Variants in NCKAP5 observed in about 807,000 individuals in gnomAD.
NCKAP5 encodes nck-associated protein 5.
NCKAP5 carries 92 observed loss-of-function variants against 167.0 expected under a neutral mutation model. The observed-to-expected ratio is 0.55, with a 90% CI of 0.47 to 0.66. NCKAP5 has a LOEUF of 0.66. NCKAP5 is among the 30% of genes least tolerant of loss of function. The probability of loss-of-function intolerance (pLI) is 0.00; values close to 1 mark genes in which losing one functional copy is unlikely to be tolerated. For missense variants in NCKAP5, 2,378 were observed against 2,315.0 expected, an observed-to-expected ratio of 1.03 and a Z score of -0.56; for synonymous variants, 891 against 877.4, an observed-to-expected ratio of 1.02 and a Z score of -0.27.
intron 6 of NCKAP5, among the ~76,000 whole-genome samples, chr2:133,005,471 G>A (rs1559042164): frequency 6.6e-6 from 1 of 152,100 alleles, no homozygotes; most frequent in Non-Finnish European, 1.5e-5. Flanking sequence ...AGTCTCATGA[G>A]CTCATCTACT....
At chr2:132,911,924 C>T (rs552870350) in intron 8 of NCKAP5, among the ~76,000 whole-genome samples, 103 of 152,302 alleles carry the variant, frequency 6.8e-4, no homozygotes, top group African/African-American at 2.2e-3. Flanking sequence ...GCTGGCCAGT[C>T]GCTGCTTCTT....
At chr2:132,867,393 C>T (rs765081331) in intron 10 of NCKAP5, among the ~76,000 whole-genome samples, 47 of 152,142 alleles carry the variant, frequency 3.1e-4, no homozygotes, top group Non-Finnish European at 6.8e-4. Context: ...TATAATTTGT[C>T]CTCCAATATC....
intron 17 of NCKAP5, 138 bp from the exon 18 acceptor site, chr2:132,729,090 G>C (rs1690740825): frequency 3.5e-6 from 4 of 1,158,544 alleles, no homozygotes; most frequent in Admixed American, 4.0e-5. Flanking sequence ...CTGCCACTCT[G>C]TCCCACTGTA....
chr2:132,863,976 C>A (rs1690140668), intron 10 of NCKAP5, among the ~76,000 whole-genome samples: 1 of 152,160 alleles, frequency 6.6e-6, no homozygotes, highest in South Asian at 2.1e-4. Context: ...CTCTATGCTC[C>A]CAACAGGAAC....
chr2:133,414,351 C>T (rs1174946845), intron 3 of NCKAP5, among the ~76,000 whole-genome samples: 2 of 152,124 alleles, frequency 1.3e-5, no homozygotes, highest in East Asian at 3.9e-4. Context: ...GAGGTTAAAA[C>T]ATTTTCCACA....
intron 5 of NCKAP5, among the ~76,000 whole-genome samples, chr2:133,178,015 G>T (rs1298484978): frequency 1.3e-5 from 2 of 152,166 alleles, no homozygotes; most frequent in African/African-American, 2.4e-5. Context: ...CAATAGGGGT[G>T]CAGGGTAGCT....
At chr2:133,110,174 C>T (rs997896030) in intron 6 of NCKAP5, among the ~76,000 whole-genome samples, 3 of 152,156 alleles carry the variant, frequency 2.0e-5, no homozygotes, top group African/African-American at 7.2e-5. Context: ...TTTGCGGGTT[C>T]CTGCAAAAGT....
intron 6 of NCKAP5, among the ~76,000 whole-genome samples, chr2:133,023,100 C>G (rs897412697): frequency 6.6e-6 from 1 of 152,174 alleles, no homozygotes; most frequent in African/African-American, 2.4e-5. Context: ...AATCCTGAAG[C>G]AGAGGACACA....
chr2:132,869,043 C>T, intron 9 of NCKAP5, 69 bp from the exon 10 acceptor site: 1 of 1,155,416 alleles, frequency 8.7e-7, no homozygotes, highest in African/African-American at 1.6e-5. Context: ...TCTAATTTAC[C>T]AATAAGTTTC....
intron 16 of NCKAP5, among the ~76,000 whole-genome samples, chr2:132,765,725 C>A (rs2104893256): frequency 6.6e-6 from 1 of 152,248 alleles, no homozygotes; most frequent in African/African-American, 2.4e-5. Context: ...CCCTAATACC[C>A]ATTAACTCCT....
intron 8 of NCKAP5, among the ~76,000 whole-genome samples, chr2:132,947,777 C>T (rs1000793490): frequency 6.6e-6 from 1 of 152,146 alleles, no homozygotes; most frequent in African/African-American, 2.4e-5. Flanking sequence ...ATGAAGAATT[C>T]ACAAGATTTC....
rs1048261343 is a variant in NCKAP5 at position 133,116,252 on chromosome 2, C to G, written c.341+13726G>C. On this transcript the variant is annotated intron_variant, in intron 6 of 19. Transcript: ENST00000409261. The stretch of plus-strand genomic sequence containing the variant: ...CCTGTAATCCCAGCACTTTGGGAGG[C>G]CGAGGCGGGCGGATCACGAGGTCAG... 5.8e-5 allele frequency among the ~76,000 whole-genome samples: 5 copies of G among 86,058 alleles called. 1 individual carries two copies. The Admixed American group carries it at 6.2e-4, about 11-fold the overall frequency. 56.5% of individuals were successfully genotyped at this position (86,058 alleles called of 152,430 possible).
chr2:132,704,037 T>A (rs1688122749), intron 19 of NCKAP5, among the ~76,000 whole-genome samples: 1 of 152,138 alleles, frequency 6.6e-6, no homozygotes, highest in South Asian at 2.1e-4. Context: ...CTCCTGCCCC[T>A]GAAACCCTTC....
chr2:132,757,438 GT>G (rs1002377233), intron 16 of NCKAP5, among the ~76,000 whole-genome samples: 10 of 152,130 alleles, frequency 6.6e-5, no homozygotes. Context: ...AACATACATA[GT>G]TTTCCTTTCC....
intron 3 of NCKAP5, among the ~76,000 whole-genome samples, chr2:133,482,441 C>T (rs1287855155): frequency 6.6e-6 from 1 of 152,162 alleles, no homozygotes; most frequent in Non-Finnish European, 1.5e-5. Flanking sequence ...TGGTCTCAAA[C>T]TCCTTAGCTC....
intron 3 of NCKAP5, among the ~76,000 whole-genome samples, chr2:133,313,854 G>C (rs1304100311): frequency 1.3e-5 from 2 of 152,136 alleles, no homozygotes; most frequent in African/African-American, 4.8e-5. Context: ...CCTTATATGA[G>C]TGAAAAGTCT....
chr2:133,492,005 C>T (rs1319394672), intron 3 of NCKAP5, among the ~76,000 whole-genome samples: 1 of 152,132 alleles, frequency 6.6e-6, no homozygotes, highest in Non-Finnish European at 1.5e-5. Context: ...GTTACCTTCT[C>T]CAGGAGCTCC....
intron 5 of NCKAP5, among the ~76,000 whole-genome samples, chr2:133,170,829 C>T (rs1250396104): frequency 6.6e-6 from 1 of 152,004 alleles, no homozygotes; most frequent in Non-Finnish European, 1.5e-5. Flanking sequence ...GGCCCTGAGA[C>T]ATTTATCAGC....
rs935234740 is a variant in NCKAP5, at chr2:133,474,012, G to T, written c.69+43446C>A. Among the ~76,000 whole-genome samples, 3 of 152,116 alleles carry T rather than the reference G, an allele frequency of 2.0e-5. No individual in the cohort carries two copies. The East Asian group carries it at 5.8e-4, about 29-fold the overall frequency. On this transcript the variant is annotated intron_variant, in intron 3 of 19. Coordinates refer to ENST00000409261, the MANE Select transcript of NCKAP5 (RefSeq NM_207363.3). ...TAGTATGAAAGAAAGTGAATCAGAG[G>T]TATCTGTGCTCCCATGTTTATTGCA...
Sources: gnomAD v4.1 joint callset for allele counts (sites outside exome capture counted in the v4.1 genomes callset) on GRCh38, gnomAD v4.1.1 for gene constraint, MANE v1.5 for transcripts, NCBI Gene and HGNC (gene_info 2026-07-23, HGNC 2026-07-21) for gene names.